Variants in CABLES2 observed in about 807,000 individuals in gnomAD.
CABLES2 encodes Cdk5 and Abl enzyme substrate 2, also known as CDK5 and ABL1 enzyme substrate 2.
Under a neutral mutation model 44.8 loss-of-function variants are expected in CABLES2, and 35 were observed. That is an observed-to-expected ratio of 0.78 (90% CI 0.60 to 1.04). The LOEUF is 1.04. Among genes scored for constraint, CABLES2 ranks in the 50% least tolerant of loss-of-function variants. The pLI is 0.00. For synonymous variants in CABLES2, 282 were observed against 281.1 expected (o/e 1.00, Z -0.03); for missense variants, 566 against 615.7 (o/e 0.92, Z 0.85).
At position 62,398,168 on chromosome 20, in the gene CABLES2, GGTA is replaced by G. The variant is rs1433509885; in HGVS notation, c.363-1579_363-1577del. On this transcript the variant is annotated intron_variant, in intron 1 of 9. Transcript: ENST00000279101. ...TGGTGGTGGTGGTGACGGTGATGGT[GGTA>G]ATGGTGGTGGTGGTGATGGTGATGA... 3.0e-3 allele frequency among the ~76,000 whole-genome samples: 399 copies of G among 134,256 alleles called. 7 individuals carry two copies. The highest frequency in any genetic ancestry group is 5.9e-3 in the East Asian group (27 of 4,594). 88.1% of individuals were successfully genotyped at this position (134,256 alleles called of 152,430 possible). A position where few individuals can be genotyped will look rare whatever the true frequency, so the allele number is the denominator to read the frequency against.
chr20:62,400,779 T>C (rs1231047066), intron 1 of CABLES2, among the ~76,000 whole-genome samples: 1 of 152,152 alleles, frequency 6.6e-6, no homozygotes, highest in Non-Finnish European at 1.5e-5. Flanking sequence ...CTGACGCTGC[T>C]GCCGGCTGGC....
chr20:62,393,912 G>A (rs1987965949), intron 5 of CABLES2, among the ~76,000 whole-genome samples: 2 of 152,338 alleles, frequency 1.3e-5, no homozygotes, highest in South Asian at 4.1e-4. Context: ...GCAGCAGGGG[G>A]GTGTCCAGGA....
chr20:62,395,751 A>G (rs148726665), intron 3 of CABLES2, among the ~76,000 whole-genome samples: 1 of 152,306 alleles, frequency 6.6e-6, no homozygotes, highest in Non-Finnish European at 1.5e-5. Context: ...CAGTCACCAC[A>G]AGGAGGGTGC....
chr20:62,399,332 C>T (rs1167910728), intron 1 of CABLES2, among the ~76,000 whole-genome samples: 3 of 151,944 alleles, frequency 2.0e-5, no homozygotes, highest in Non-Finnish European at 4.4e-5. Context: ...TTGCAAGCTC[C>T]ACCTCCCAGC....
rs904144106 is a variant in CABLES2, at chr20:62,392,000, A to G, written c.1091+389T>C. ...GCACACCTGGACGGCCTTGGCGAGC[A>G]CCCAGCATGCCTGGATGGGGGCGCT... On this transcript the variant is annotated intron_variant, in intron 8 of 9. Transcript: ENST00000279101. The surrounding 1 kb of genome is among the most constrained non-coding windows in gnomAD (Gnocchi z 5.7). Among the ~76,000 whole-genome samples the G allele has an allele frequency of 6.6e-6, 1 of 151,948 alleles. No homozygotes were observed. The highest frequency in any genetic ancestry group is 1.5e-5 in the Non-Finnish European group (1 of 67,978).
chr20:62,397,936 T>TGATGGCGGTGGTGGC (rs1412981870), intron 1 of CABLES2, among the ~76,000 whole-genome samples: 1 of 90,684 alleles, frequency 1.1e-5, no homozygotes, highest in East Asian at 2.1e-4. Context: ...GTGGTGGTGG[T>TGATGGCGGTGGTGGC]GATGGTGGTG....
intron 1 of CABLES2, among the ~76,000 whole-genome samples, chr20:62,401,829 T>G (rs1475853890): frequency 6.6e-6 from 1 of 152,156 alleles, no homozygotes; most frequent in Non-Finnish European, 1.5e-5. Flanking sequence ...CCCAGGCAAA[T>G]GCACTGAGCT....
chr20:62,407,219 G>A lies in CABLES2; in HGVS notation c.58C>T (p.Pro20Ser), dbSNP rs943878486. Residue 20 changes from proline to serine, a missense_variant, in exon 1 of 10, where the codon CCG becomes TCG. Transcript: ENST00000279101. ...GCCGAGGTCGGCGCGGCGGGTGGCG[G>A]GGGCCCGGCGGGGCCGGGGGCCGGG... ...PGPAPGPAGP[P>S]PPAAPTSAAR... 3.0e-4 allele frequency: 283 copies of A among 932,262 alleles called. 1 individual carries two copies. Among genetic ancestry groups the A allele is most frequent in the Middle Eastern group, 5.4e-4 (1 of 1,846 alleles). 57.7% of individuals were successfully genotyped at this position (932,262 alleles called of 1,614,324 possible).
chr20:62,393,969 G>A (rs143452223), intron 5 of CABLES2, among the ~76,000 whole-genome samples, 188 bp downstream of exon 5: 17 of 152,304 alleles, frequency 1.1e-4, no homozygotes, highest in African/African-American at 3.8e-4. Flanking sequence ...ACGGCCAGGC[G>A]GGGGAGTCCG....
intron 1 of CABLES2, among the ~76,000 whole-genome samples, chr20:62,399,995 A>C (rs983091617): frequency 6.6e-6 from 1 of 152,246 alleles, no homozygotes. Flanking sequence ...TCAGGAACTT[A>C]AGATGTGATT....
Position 62,396,055 on chromosome 20 carries a change from G to A in CABLES2, c.527+260C>T, listed in dbSNP as rs1230565720. Among the ~76,000 whole-genome samples the A allele has an allele frequency of 6.6e-6, 1 of 152,228 alleles. No individual in the cohort carries two copies. The highest frequency in any genetic ancestry group is 2.4e-5 in the African/African-American group (1 of 41,448). On this transcript the variant is annotated intron_variant, in intron 3 of 9. Coordinates refer to ENST00000279101, the MANE Select transcript of CABLES2 (RefSeq NM_031215.3). This position sits in a 1 kb window ranked among gnomAD's most constrained non-coding sequence, Gnocchi z 5.7. ...TTCCTTCACGTCAGCACTGTTGCTG[G>A]AGGCTAGTGTCCACGTGTGACCCTT...
intron 1 of CABLES2, among the ~76,000 whole-genome samples, chr20:62,399,538 C>T (rs981413030): frequency 3.4e-5 from 5 of 145,280 alleles, no homozygotes; most frequent in African/African-American, 7.7e-5. Flanking sequence ...TGAGCCACCA[C>T]GCCCGGCCTG....
At position 62,388,760 on chromosome 20, in the gene CABLES2, G is replaced by C. The variant is rs1226188601; in HGVS notation, c.*2211C>G. 1 of 490,130 alleles carries C rather than the reference G, an allele frequency of 2.0e-6. No individual in the cohort carries two copies. Among genetic ancestry groups the C allele is most frequent in the Non-Finnish European group, 3.6e-6 (1 of 274,028 alleles). 30.4% of individuals were successfully genotyped at this position (490,130 alleles called of 1,614,324 possible). ...ACACTGACATCCACAACTGCTACCG[G>C]TGCGGAAGCAACGCCAGGCCTGGTT... On this transcript the variant is annotated 3_prime_UTR_variant, in exon 10 of 10. Coordinates refer to ENST00000279101, the MANE Select transcript of CABLES2 (RefSeq NM_031215.3).
rs150577485 is a variant in CABLES2, at chr20:62,388,635, T to C, written c.*2336A>G. ...AAAGGAGACAAGCTGTGAAACATAT[T>C]GCAAAACTGAGGTTTAAAGGACAAA... On this transcript the variant is annotated 3_prime_UTR_variant, in exon 10 of 10. Coordinates refer to ENST00000279101, the MANE Select transcript of CABLES2 (RefSeq NM_031215.3). The C allele has an allele frequency of 2.1e-4, 134 of 646,468 alleles. No individual in the cohort carries two copies. In the African/African-American group the frequency reaches 2.3e-3, roughly 11 times the overall value. The allele number at this position is 646,468 out of a possible 1,614,324, so 40.0% of individuals were successfully genotyped here.
At chr20:62,398,005 T>C (rs1309681752) in intron 1 of CABLES2, among the ~76,000 whole-genome samples, 1 of 124,624 alleles carries the variant, frequency 8.0e-6, no homozygotes. Context: ...ATGATGGTGA[T>C]GGTTATGGCG....
intron 1 of CABLES2, among the ~76,000 whole-genome samples, chr20:62,401,415 G>A (rs1235224406): frequency 1.3e-5 from 2 of 152,224 alleles, no homozygotes; most frequent in East Asian, 1.9e-4. Context: ...TGCTGCTGAC[G>A]GGACGGGCAC....
In CABLES2 at chr20:62,390,869, AGGTGCTGGG is replaced by A; in HGVS notation, c.*93_*101del. 1 of 1,416,746 alleles carries A rather than the reference AGGTGCTGGG, an allele frequency of 7.1e-7. No homozygotes were observed. The highest frequency in any genetic ancestry group is 9.7e-7 in the Non-Finnish European group (1 of 1,028,696). 87.8% of individuals were successfully genotyped at this position (1,416,746 alleles called of 1,614,324 possible). ...CGGAGGCCAGGTGCCTCCTGCTAGC[AGGTGCTGGG>A]GGTGCTGGCAGGAGGAGGCGCGGGG... On this transcript the variant is annotated 3_prime_UTR_variant, in exon 10 of 10. Transcript: ENST00000279101.
intron 1 of CABLES2, among the ~76,000 whole-genome samples, chr20:62,401,694 C>T (rs552615700): frequency 3.3e-5 from 5 of 152,282 alleles, no homozygotes; most frequent in South Asian, 4.1e-4. Context: ...AGACGCCACA[C>T]GGGTTGAGAG....
rs541240794 is a variant in CABLES2 at position 62,396,461 on chromosome 20, G to T, written c.435-54C>A. The stretch of plus-strand genomic sequence containing the variant: ...TTTCCTCCCAGGACCCTCTGGCCCC[G>T]CAGGGGTCAGTGGCAGCCCGAGCGG... On this transcript the variant is annotated intron_variant, in intron 2 of 9. Transcript: ENST00000279101. The surrounding 1 kb of genome is among the most constrained non-coding windows in gnomAD (Gnocchi z 5.7). 61 of 1,610,648 alleles carry T rather than the reference G, an allele frequency of 3.8e-5. 1 individual carries two copies. In the South Asian group the frequency reaches 6.5e-4, roughly 17 times the overall value.
Sources: allele counts gnomAD v4.1 joint callset (sites outside exome capture counted in the v4.1 genomes callset), GRCh38; gene constraint gnomAD v4.1.1; non-coding constraint Gnocchi (gnomAD v3.1); transcripts MANE v1.5; gene names NCBI Gene and HGNC (gene_info 2026-07-23, HGNC 2026-07-21).